The following PTPRD variants were observed in gnomAD, a reference collection of about 807,000 sequenced individuals.
PTPRD encodes receptor-type tyrosine-protein phosphatase delta.
Under a neutral mutation model 214.5 loss-of-function variants are expected in PTPRD, and 34 were observed. The ratio of observed to expected loss-of-function variants is 0.16; its 90% CI spans 0.12 to 0.21. The LOEUF (loss-of-function observed/expected upper bound fraction) is 0.21. Among genes scored for constraint, PTPRD ranks in the 10% least tolerant of loss-of-function variants. The pLI is 1.00. For synonymous variants in PTPRD, 1,128 were observed against 845.7 expected (o/e 1.33, Z -5.79); for missense variants, 2,545 against 2,398.7 (o/e 1.06, Z -1.27).
intron 37 of PTPRD, among the ~76,000 whole-genome samples, chr9:8,381,632 T>C (rs1564423735): frequency 6.6e-6 from 1 of 152,216 alleles, no homozygotes; most frequent in Non-Finnish European, 1.5e-5. Flanking sequence ...TGACCACCAG[T>C]GCAGCTTTTC....
At chr9:10,369,673 C>G (rs75469782) in intron 2 of PTPRD, among the ~76,000 whole-genome samples, 3 of 152,026 alleles carry the variant, frequency 2.0e-5, no homozygotes, top group Non-Finnish European at 4.4e-5. Context: ...GCTGCCTAGT[C>G]GCCCCATTCT....
chr9:10,060,456 CAT>C, intron 3 of PTPRD, among the ~76,000 whole-genome samples: 1 of 152,112 alleles, frequency 6.6e-6, no homozygotes, highest in South Asian at 2.1e-4. Context: ...TAGGTCAGCT[CAT>C]GTGTGTAAAA....
At chr9:9,945,258 G>GAGATT (rs1175660193) in intron 4 of PTPRD, among the ~76,000 whole-genome samples, 12 of 152,050 alleles carry the variant, frequency 7.9e-5, no homozygotes, top group Admixed American at 6.6e-4. Context: ...AAATAAACCT[G>GAGATT]AGATTACGGA....
chr9:10,307,708 G>A (rs1369449730), intron 3 of PTPRD, among the ~76,000 whole-genome samples: 2 of 151,822 alleles, frequency 1.3e-5, no homozygotes, highest in East Asian at 3.9e-4. Flanking sequence ...GGATGTAAAA[G>A]ATACATCCTT....
intron 10 of PTPRD, among the ~76,000 whole-genome samples, chr9:9,142,730 T>C (rs2099862449): frequency 6.6e-6 from 1 of 152,216 alleles, no homozygotes; most frequent in Non-Finnish European, 1.5e-5. Flanking sequence ...ACTCCTGTAA[T>C]TGAATTCTAT....
chr9:9,212,419 C>G (rs1252339734), intron 9 of PTPRD, among the ~76,000 whole-genome samples: 3 of 152,094 alleles, frequency 2.0e-5, no homozygotes, highest in Admixed American at 1.3e-4. Context: ...CTACACATTC[C>G]TATTGTTGCC....
At chr9:9,543,408 T>C (rs2078058485) in intron 8 of PTPRD, among the ~76,000 whole-genome samples, 1 of 151,640 alleles carries the variant, frequency 6.6e-6, no homozygotes. Flanking sequence ...GTATAAACAA[T>C]TGCTAAATTC....
At chr9:9,162,982 C>G (rs757694880) in intron 10 of PTPRD, among the ~76,000 whole-genome samples, 1 of 152,068 alleles carries the variant, frequency 6.6e-6, no homozygotes, top group Non-Finnish European at 1.5e-5. Flanking sequence ...TTCTTACCTC[C>G]TGGGGTACAA....
intron 9 of PTPRD, among the ~76,000 whole-genome samples, chr9:9,352,217 T>C (rs1474713339): frequency 1.3e-5 from 2 of 151,716 alleles, no homozygotes; most frequent in African/African-American, 4.8e-5. Flanking sequence ...TAGTACATCG[T>C]AGCATAACTA....
At chr9:8,919,961 T>C (rs1447809822) in intron 11 of PTPRD, among the ~76,000 whole-genome samples, 3 of 150,576 alleles carry the variant, frequency 2.0e-5, no homozygotes, top group African/African-American at 7.3e-5. Context: ...TATGTATACG[T>C]GTGTATGCAT....
chr9:9,613,680 ACAGTAAGTATGGTTCATGGACTAG>A (rs2094675146), intron 7 of PTPRD, among the ~76,000 whole-genome samples: 5 of 152,062 alleles, frequency 3.3e-5, no homozygotes. Context: ...ACTCATTTCT[ACAGTAAGTATGGTTCATGGACTAG>A]TAGCATGGGC....
At chr9:9,241,270 G>A (rs1432380818) in intron 9 of PTPRD, among the ~76,000 whole-genome samples, 1 of 151,988 alleles carries the variant, frequency 6.6e-6, no homozygotes, top group Non-Finnish European at 1.5e-5. Flanking sequence ...AATATACATT[G>A]GTAAATAGAA....
At chr9:9,265,117 T>C (rs190592072) in intron 9 of PTPRD, among the ~76,000 whole-genome samples, 58 of 151,846 alleles carry the variant, frequency 3.8e-4, no homozygotes, top group Admixed American at 3.4e-3. Context: ...AAAGTAAGTA[T>C]ATAGTAAAAT....
intron 11 of PTPRD, among the ~76,000 whole-genome samples, chr9:8,796,303 A>C (rs1258823106): frequency 6.6e-6 from 1 of 152,212 alleles, no homozygotes; most frequent in Non-Finnish European, 1.5e-5. Flanking sequence ...TAAATATTTA[A>C]ATATATAAAA....
intron 3 of PTPRD, among the ~76,000 whole-genome samples, chr9:10,253,734 G>A (rs1355608972): frequency 6.6e-6 from 1 of 152,006 alleles, no homozygotes; most frequent in Non-Finnish European, 1.5e-5. Context: ...TAAATACATT[G>A]ATGAAAAAAA....
chr9:9,005,364 G>A (rs1437720872), intron 11 of PTPRD, among the ~76,000 whole-genome samples: 1 of 152,052 alleles, frequency 6.6e-6, no homozygotes, highest in Non-Finnish European at 1.5e-5. Context: ...GTAAGTGGAA[G>A]TAGCATGGTG....
Position 9,990,645 on chromosome 9 carries a change from C to A in PTPRD, c.-472+43073G>T, listed in dbSNP as rs141231510. On this transcript the variant is annotated intron_variant, in intron 4 of 45. Transcript: ENST00000381196. ...TCTTAGAAAATAGAAAGTAGTTTAG[C>A]CCTGGGCTGGGATGACTGTGAGGGG... is the stretch of plus-strand genomic sequence containing the variant. Among the ~76,000 whole-genome samples, 1,523 of 152,326 alleles carry A rather than the reference C, an allele frequency of 1.0e-2. 73 individuals carry two copies. Among genetic ancestry groups the A allele is most frequent in the Admixed American group, 0.074 (1,127 of 15,300 alleles).
In PTPRD at chr9:9,648,213, T is replaced by C. The variant is rs146547929; in HGVS notation, c.-286-73432A>G. Among the ~76,000 whole-genome samples the C allele has an allele frequency of 6.1e-3, 932 of 151,850 alleles. 8 individuals carry two copies. Among genetic ancestry groups the C allele is most frequent in the African/African-American group, 0.022 (898 of 41,422 alleles). On this transcript the variant is annotated intron_variant, in intron 7 of 45. Coordinates refer to ENST00000381196, the MANE Select transcript of PTPRD (RefSeq NM_002839.4). ...TTTGAATCTATGTATAAATCTTATA[T>C]AGCCTATTAAAAAAAAAACACTAAA...
At chr9:9,792,221 A>T (rs2098973014) in intron 5 of PTPRD, among the ~76,000 whole-genome samples, 1 of 151,900 alleles carries the variant, frequency 6.6e-6, no homozygotes, top group Non-Finnish European at 1.5e-5. Context: ...TTCCAAATCC[A>T]CAGTTCCTGT....
Sources: gnomAD v4.1 joint callset for allele counts (sites outside exome capture counted in the v4.1 genomes callset) on GRCh38, gnomAD v4.1.1 for gene constraint, MANE v1.5 for transcripts, NCBI Gene and HGNC (gene_info 2026-07-23, HGNC 2026-07-21) for gene names.